MYT1L: variants seen among roughly 807,000 people sequenced by gnomAD.
MYT1L encodes myelin transcription factor 1 like, also known as myelin transcription factor 1-like protein.
In MYT1L, 12 loss-of-function variants were observed where a neutral mutation model predicts 126.7. The ratio of observed to expected loss-of-function variants is 0.09; its 90% confidence interval spans 0.06 to 0.15. MYT1L has a LOEUF of 0.15. Ranked by LOEUF, MYT1L falls within the 10% of genes least tolerant of loss-of-function variation. MYT1L has a pLI of 1.00. For missense variants in MYT1L, 979 were observed against 1,585.2 expected (o/e 0.62, Z 6.49); for synonymous variants, 541 against 604.2 (o/e 0.90, Z 1.53).
chr2:2,105,849 T>C (rs748066273), intron 3 of MYT1L, among the ~76,000 whole-genome samples: 28 of 152,192 alleles, frequency 1.8e-4, no homozygotes, highest in Non-Finnish European at 4.1e-4. Flanking sequence ...TTTACGTGTA[T>C]GTGTTTTGTG....
At chr2:2,026,672 C>T (rs893008706) in intron 4 of MYT1L, among the ~76,000 whole-genome samples, 6 of 152,092 alleles carry the variant, frequency 3.9e-5, no homozygotes, top group Non-Finnish European at 8.8e-5. Context: ...GTGCCCAGTG[C>T]GGCCTCTGCC....
chr2:2,067,523 T>C (rs2074028637), intron 3 of MYT1L, among the ~76,000 whole-genome samples: 1 of 152,162 alleles, frequency 6.6e-6, no homozygotes, highest in Admixed American at 6.5e-5. Flanking sequence ...CCCAGGAGCT[T>C]GATACCAACC....
rs1262662653 is a variant in MYT1L, at chr2:2,059,065, TGA to T, written c.-303-4944_-303-4943del. On this transcript the variant is annotated intron_variant, in intron 3 of 24. Transcript: ENST00000647738. The surrounding 1 kb of genome is among the most constrained non-coding windows in gnomAD (Gnocchi z 4.7). ...GGACAATTGGGTCATGTCTGCTGTT[TGA>T]GAGAAGGAAGAATTCACTCAGTCTT... Among the ~76,000 whole-genome samples, 2 of 152,222 alleles carry T rather than the reference TGA, an allele frequency of 1.3e-5. No homozygotes were observed. The highest frequency in any genetic ancestry group is 2.9e-5 in the Non-Finnish European group (2 of 68,042).
intron 2 of MYT1L, among the ~76,000 whole-genome samples, chr2:2,255,612 G>T (rs2094786854): frequency 6.6e-6 from 1 of 152,174 alleles, no homozygotes; most frequent in South Asian, 2.1e-4. Flanking sequence ...CTAAAAATAT[G>T]AATCACTTGA....
In MYT1L at chr2:1,943,888, G is replaced by C. The variant is rs1410040118; in HGVS notation, c.153-554C>G. The stretch of plus-strand genomic sequence containing the variant: ...CTCCTGAAACAAGATGAGCCCTAGG[G>C]CTTGTCAATGTTGTATGAAAGCAAC... On this transcript the variant is annotated intron_variant, in intron 8 of 24. Transcript: ENST00000647738. The surrounding 1 kb of genome is among the most constrained non-coding windows in gnomAD (Gnocchi z 4.4). Among the ~76,000 whole-genome samples the C allele has an allele frequency of 6.6e-6, 1 of 152,090 alleles. No individual in the cohort carries two copies. Among genetic ancestry groups the C allele is most frequent in the East Asian group, 1.9e-4 (1 of 5,184 alleles).
intron 4 of MYT1L, among the ~76,000 whole-genome samples, chr2:2,045,737 G>A (rs1361702482): frequency 6.6e-6 from 1 of 152,190 alleles, no homozygotes; most frequent in Non-Finnish European, 1.5e-5. Flanking sequence ...TTCTGCCTCA[G>A]TGCCTTTGCT....
intron 21 of MYT1L, among the ~76,000 whole-genome samples, chr2:1,826,691 CG>C (rs986855244): frequency 6.6e-6 from 1 of 152,140 alleles, no homozygotes; most frequent in Non-Finnish European, 1.5e-5. Context: ...GGGCCGGCGT[CG>C]GGGAAAGCGG....
intron 18 of MYT1L, among the ~76,000 whole-genome samples, chr2:1,872,244 G>C (rs1186792164): frequency 1.3e-5 from 2 of 152,176 alleles, no homozygotes; most frequent in Admixed American, 1.3e-4. Context: ...ATCCACCAGG[G>C]CATGAAAAGT....
intron 4 of MYT1L, among the ~76,000 whole-genome samples, chr2:2,028,859 T>G (rs1185421037): frequency 6.6e-6 from 1 of 152,084 alleles, no homozygotes; most frequent in African/African-American, 2.4e-5. Context: ...TAACTCGTTG[T>G]TAAGAGGCCC....
chr2:2,126,035 GC>G (rs1027399982), intron 3 of MYT1L, among the ~76,000 whole-genome samples: 35 of 152,310 alleles, frequency 2.3e-4, no homozygotes, highest in Non-Finnish European at 4.9e-4. Flanking sequence ...CCCCTCGTGG[GC>G]CATGGCTAAC....
chr2:2,189,811 C>A (rs1281415092), intron 2 of MYT1L, among the ~76,000 whole-genome samples: 1 of 150,854 alleles, frequency 6.6e-6, no homozygotes, highest in Non-Finnish European at 1.5e-5. Context: ...CAGGACCGCA[C>A]GGGGAGAAGC....
chr2:2,004,307 G>GTTCTTTCCTGCATGCA (rs2062857559), intron 4 of MYT1L, among the ~76,000 whole-genome samples: 2 of 114,974 alleles, frequency 1.7e-5, no homozygotes, highest in African/African-American at 6.7e-5. Context: ...TCCTGCATGC[G>GTTCTTTCCTGCATGCA]TTCTTTCCTG....
In MYT1L at chr2:1,852,565, ACTT is replaced by A. The variant is rs1317119962; in HGVS notation, c.2712-865_2712-863del. 2.6e-5 allele frequency among the ~76,000 whole-genome samples: 4 copies of A among 152,120 alleles called. No individual in the cohort carries two copies. The highest frequency in any genetic ancestry group is 5.9e-5 in the Non-Finnish European group (4 of 68,002). ...TGCTGTCTCAAGAATAATGAGATCA[ACTT>A]CTTAACTATGCTGTCTCAAGAATAA... On this transcript the variant is annotated intron_variant, in intron 18 of 24. Transcript: ENST00000647738. The surrounding 1 kb of genome is among the most constrained non-coding windows in gnomAD (Gnocchi z 4.0).
intron 10 of MYT1L, among the ~76,000 whole-genome samples, chr2:1,919,295 C>T (rs1337561703): frequency 2.0e-5 from 3 of 152,248 alleles, no homozygotes; most frequent in South Asian, 4.1e-4. Context: ...TTGCCTTCAC[C>T]GTTACCTCCC....
At chr2:2,161,000 T>C (rs761770202) in intron 3 of MYT1L, among the ~76,000 whole-genome samples, 1 of 152,072 alleles carries the variant, frequency 6.6e-6, no homozygotes, top group Non-Finnish European at 1.5e-5. Flanking sequence ...GCGGATCACT[T>C]GAGGTCAGGA....
At position 1,792,230 on chromosome 2, in the gene MYT1L, A is replaced by G. The variant is rs548064082; in HGVS notation, c.3420+91T>C. ...CACAAACATTTGCCAAAGGCTGAAG[A>G]ACCATGAAAATAACGATAAAAACGG... is the stretch of plus-strand genomic sequence containing the variant. On this transcript the variant is annotated intron_variant, in intron 24 of 24. Transcript: ENST00000647738. 9 of 1,440,532 alleles carry G rather than the reference A, an allele frequency of 6.2e-6. No homozygotes were observed. The South Asian group carries it at 1.1e-4, about 18-fold the overall frequency. The allele number at this position is 1,440,532 out of a possible 1,614,324, so 89.2% of individuals were successfully genotyped here. A position where few individuals can be genotyped will look rare whatever the true frequency, so the allele number is the denominator to read the frequency against.
intron 9 of MYT1L, among the ~76,000 whole-genome samples, chr2:1,934,733 C>T (rs1480276035): frequency 2.1e-5 from 3 of 142,598 alleles, no homozygotes; most frequent in East Asian, 2.1e-4. Context: ...CATGTACACA[C>T]ACACACACAC....
rs570491563 is a variant in MYT1L at position 1,937,974 on chromosome 2, G to C, written c.505+5008C>G. Among the ~76,000 whole-genome samples, 19 of 152,342 alleles carry C rather than the reference G, an allele frequency of 1.2e-4. 1 individual carries two copies. In the South Asian group the frequency reaches 3.7e-3, roughly 30 times the overall value. On this transcript the variant is annotated intron_variant, in intron 9 of 24. Coordinates refer to ENST00000647738, the MANE Select transcript of MYT1L (RefSeq NM_001303052.2). ...TCACCGGATTTAGCCCCGTGATCAA[G>C]TGGCAAGGCAGCCCTGAGATTCAGT...
rs1052062952 is a variant in MYT1L, at chr2:1,790,202, G to A, written c.*1665C>T. 1.9e-4 allele frequency: 25 copies of A among 133,168 alleles called. No homozygotes were observed. Among genetic ancestry groups the A allele is most frequent in the African/African-American group, 6.8e-4 (24 of 35,482 alleles). 8.2% of individuals were successfully genotyped at this position (133,168 alleles called of 1,614,324 possible). On this transcript the variant is annotated 3_prime_UTR_variant, in exon 25 of 25. Coordinates refer to ENST00000647738, the MANE Select transcript of MYT1L (RefSeq NM_001303052.2). ...TGGGGACAATGACCCTGTAAGTCCTGTTCTGCTAAAAATATTTTTTTTTTA... is the reference window on the plus strand; with the variant it reads ...TGGGGACAATGACCCTGTAAGTCCTATTCTGCTAAAAATATTTTTTTTTTA...
Sources: allele counts gnomAD v4.1 joint callset (sites outside exome capture counted in the v4.1 genomes callset), GRCh38; gene constraint gnomAD v4.1.1; non-coding constraint Gnocchi (gnomAD v3.1); transcripts MANE v1.5; gene names NCBI Gene and HGNC (gene_info 2026-07-23, HGNC 2026-07-21).